The following SNX24 variants were observed in gnomAD, a reference collection of about 807,000 sequenced individuals.
SNX24 encodes sorting nexin-24.
Under a neutral mutation model 28.7 loss-of-function variants are expected in SNX24, and 22 were observed. That is an observed-to-expected ratio of 0.77 (90% confidence interval 0.55 to 1.10). The LOEUF (loss-of-function observed/expected upper bound fraction) is 1.10, where lower values mean the gene tolerates loss of function less well. Among genes scored for constraint, SNX24 ranks in the 50% least tolerant of loss-of-function variants. The pLI, the probability that SNX24 is intolerant of heterozygous loss-of-function variation, is 0.00. For synonymous variants in SNX24, 69 were observed against 71.5 expected (o/e 0.96, Z 0.18); for missense variants, 221 against 201.1 (o/e 1.10, Z -0.60).
chr5:122,959,395 ATACATAATAT>A (rs1760374235), intron 3 of SNX24, among the ~76,000 whole-genome samples: 1 of 150,414 alleles, frequency 6.6e-6, no homozygotes, highest in South Asian at 2.1e-4. Context: ...ATAATAAAAA[ATACATAATAT>A]ATATATTAGA....
intron 1 of SNX24, among the ~76,000 whole-genome samples, chr5:122,910,931 G>T (rs1223536866): frequency 1.3e-5 from 2 of 152,078 alleles, no homozygotes; most frequent in South Asian, 2.1e-4. Flanking sequence ...ATAAACATAC[G>T]TGTGCATGTG....
chr5:122,932,790 C>T (rs891391378), intron 1 of SNX24, among the ~76,000 whole-genome samples: 6 of 137,798 alleles, frequency 4.4e-5, no homozygotes, highest in African/African-American at 8.2e-5. Flanking sequence ...ACCCAGGGGG[C>T]GGAGCTTGCA....
At chr5:122,881,370 A>G (rs1381820331) in intron 1 of SNX24, among the ~76,000 whole-genome samples, 2 of 152,220 alleles carry the variant, frequency 1.3e-5, no homozygotes, top group Non-Finnish European at 2.9e-5. Context: ...TTAGTCTAAT[A>G]TAATGGTTTA....
At chr5:122,871,346 G>T (rs1159520467) in intron 1 of SNX24, among the ~76,000 whole-genome samples, 1 of 152,154 alleles carries the variant, frequency 6.6e-6, no homozygotes, top group Non-Finnish European at 1.5e-5. Flanking sequence ...TGGAAAAGAT[G>T]CCCTGTAGAG....
chr5:123,025,267 C>T (rs1182769864), intron 5 of SNX24, among the ~76,000 whole-genome samples: 1 of 152,158 alleles, frequency 6.6e-6, no homozygotes, highest in Admixed American at 6.5e-5. Flanking sequence ...TTTCATCTTG[C>T]AAAACTAAAA....
chr5:122,913,917 G>A (rs574819397), intron 1 of SNX24, among the ~76,000 whole-genome samples: 49 of 152,282 alleles, frequency 3.2e-4, no homozygotes, highest in Non-Finnish European at 4.4e-4. Flanking sequence ...AGACCACCCC[G>A]GCCAACACAG....
chr5:123,007,944 C>T lies in SNX24; in HGVS notation c.*195C>T, dbSNP rs942026229. On this transcript the variant is annotated 3_prime_UTR_variant, in exon 7 of 7. Transcript: ENST00000261369. Reference sequence around the variant, plus strand: ...CTTAAAAATAGAAACTGAACCGGGGCGGTGGTCAGGCTAAGGCCAAGTGTT... The same window carrying T: ...CTTAAAAATAGAAACTGAACCGGGGTGGTGGTCAGGCTAAGGCCAAGTGTT... 4.5e-5 allele frequency: 61 copies of T among 1,355,820 alleles called. No individual in the cohort carries two copies. The highest frequency in any genetic ancestry group is 9.3e-5 in the East Asian group (3 of 32,240). The allele number at this position is 1,355,820 out of a possible 1,614,324, so 84.0% of individuals were successfully genotyped here.
intron 1 of SNX24, among the ~76,000 whole-genome samples, chr5:122,899,386 A>G (rs148684893): frequency 1.1e-4 from 17 of 152,330 alleles, no homozygotes; most frequent in African/African-American, 4.1e-4. Context: ...ACAGTCTATC[A>G]GTAATGCTTC....
intron 3 of SNX24, among the ~76,000 whole-genome samples, chr5:122,952,930 A>G (rs571746193): frequency 2.1e-4 from 32 of 152,306 alleles, no homozygotes; most frequent in Admixed American, 1.8e-3. Context: ...CAGGTCTAAC[A>G]TCCTACTTCT....
At chr5:123,017,764 G>A (rs1762704474) in intron 5 of SNX24, among the ~76,000 whole-genome samples, 1 of 151,996 alleles carries the variant, frequency 6.6e-6, no homozygotes, top group Admixed American at 6.6e-5. Context: ...CCCTGCATCA[G>A]CTCTCTTCCC....
Position 122,895,360 on chromosome 5 carries a change from A to G in SNX24, c.61-41374A>G, listed in dbSNP as rs868184889. 6.6e-5 allele frequency among the ~76,000 whole-genome samples: 10 copies of G among 152,242 alleles called. 1 individual carries two copies. The South Asian group carries it at 2.1e-3, about 32-fold the overall frequency. ...TTTAACATGATGTCATCTCTAATGG[A>G]ATACATTAGAGCTGGGTTAAAAAGT... On this transcript the variant is annotated intron_variant, in intron 1 of 6. Coordinates refer to ENST00000261369, the MANE Select transcript of SNX24 (RefSeq NM_014035.4).
intron 1 of SNX24, among the ~76,000 whole-genome samples, chr5:122,913,107 C>G (rs1757965848): frequency 6.6e-6 from 1 of 152,246 alleles, no homozygotes; most frequent in Admixed American, 6.5e-5. Context: ...TCTCCCATAT[C>G]TACGTCTTTC....
rs760733636 is a variant in SNX24, at chr5:122,946,037, C to A, written c.145-18C>A. 8.8e-6 allele frequency: 10 copies of A among 1,142,500 alleles called. No homozygotes were observed. The highest frequency in any genetic ancestry group is 1.8e-5 in the African/African-American group (1 of 55,890). 70.8% of individuals were successfully genotyped at this position (1,142,500 alleles called of 1,614,324 possible). ...CTGTTTTTTTTTTTCTTTTTCTTTT[C>A]CTATTCTGTCTTTATAGCTTAAGAA... On this transcript the variant is annotated intron_variant, in intron 2 of 6. Coordinates refer to ENST00000261369, the MANE Select transcript of SNX24 (RefSeq NM_014035.4).
chr5:122,860,630 C>G (rs1429819961), intron 1 of SNX24, among the ~76,000 whole-genome samples: 3 of 152,186 alleles, frequency 2.0e-5, no homozygotes, highest in African/African-American at 4.8e-5. Flanking sequence ...CAGTCTCGCT[C>G]TGTTGCCCAG....
At chr5:122,940,837 TG>T (rs1229851612) in intron 2 of SNX24, among the ~76,000 whole-genome samples, 10 of 152,206 alleles carry the variant, frequency 6.6e-5, no homozygotes, top group African/African-American at 2.4e-4. Context: ...CCTCCCAAAG[TG>T]TTGGGATTAC....
At position 123,008,193 on chromosome 5, in the gene SNX24, C is replaced by G. The variant is rs557647218; in HGVS notation, c.*444C>G. ...TCTTCTCACCGTGAGATTTTCTCAG[C>G]CAGTGATAGTACATTCTGAAATGCT... On this transcript the variant is annotated 3_prime_UTR_variant, in exon 7 of 7. Coordinates refer to ENST00000261369, the MANE Select transcript of SNX24 (RefSeq NM_014035.4). 13 of 987,072 alleles carry G rather than the reference C, an allele frequency of 1.3e-5. No individual in the cohort carries two copies. The African/African-American group carries it at 2.3e-4, about 17-fold the overall frequency. 61.1% of individuals were successfully genotyped at this position (987,072 alleles called of 1,614,324 possible).
chr5:122,896,968 C>G (rs535222046), intron 1 of SNX24, among the ~76,000 whole-genome samples: 1 of 152,306 alleles, frequency 6.6e-6, no homozygotes, highest in South Asian at 2.1e-4. Context: ...GCCTCTGAAC[C>G]TTGTGTGTGT....
At chr5:122,956,904 T>G (rs1356085867) in intron 3 of SNX24, among the ~76,000 whole-genome samples, 2 of 152,208 alleles carry the variant, frequency 1.3e-5, no homozygotes, top group Non-Finnish European at 2.9e-5. Flanking sequence ...TGTTGAGTTT[T>G]AAGAGTTCTC....
At chr5:122,875,100 A>G (rs1260473422) in intron 1 of SNX24, among the ~76,000 whole-genome samples, 4 of 152,220 alleles carry the variant, frequency 2.6e-5, no homozygotes, top group African/African-American at 9.6e-5. Flanking sequence ...GCAAACAAAA[A>G]CAAAACTAAT....
Sources: gnomAD v4.1 joint callset for allele counts (sites outside exome capture counted in the v4.1 genomes callset) on GRCh38, gnomAD v4.1.1 for gene constraint, MANE v1.5 for transcripts, NCBI Gene and HGNC (gene_info 2026-07-23, HGNC 2026-07-21) for gene names.